The following PPP1R9A variants were observed in gnomAD, a reference collection of about 807,000 sequenced individuals.
PPP1R9A encodes protein phosphatase 1 regulatory subunit 9A, also known as neurabin-1.
PPP1R9A carries 59 observed loss-of-function variants against 141.9 expected under a neutral mutation model. The ratio of observed to expected loss-of-function variants is 0.42; its 90% CI spans 0.34 to 0.52. The LOEUF is 0.52. Ranked by LOEUF, PPP1R9A falls within the 20% of genes least tolerant of loss-of-function variation. The probability of loss-of-function intolerance (pLI) is 0.10; values close to 1 mark genes in which losing one functional copy is unlikely to be tolerated. For synonymous variants in PPP1R9A, 500 were observed against 569.7 expected (o/e 0.88, Z 1.74); for missense variants, 1,444 against 1,611.9 (o/e 0.90, Z 1.78).
chr7:95,184,971 C>T (rs1585134071), intron 5 of PPP1R9A, among the ~76,000 whole-genome samples: 1 of 149,982 alleles, frequency 6.7e-6, no homozygotes, highest in African/African-American at 2.4e-5. Flanking sequence ...TTTCTTTTGT[C>T]TGTGTAGCTA....
intron 7 of PPP1R9A, 97 bp from the exon 8 acceptor site, chr7:95,225,864 G>A: frequency 7.8e-7 from 1 of 1,288,040 alleles, no homozygotes; most frequent in Non-Finnish European, 1.1e-6. Flanking sequence ...TTACCATTTG[G>A]GTACATGTCT....
chr7:95,108,392 T>G (rs1158065672), intron 2 of PPP1R9A, among the ~76,000 whole-genome samples: 5 of 129,256 alleles, frequency 3.9e-5, no homozygotes, highest in Non-Finnish European at 6.4e-5. Context: ...CTCACTGCAA[T>G]CTCCGCCTCC....
intron 2 of PPP1R9A, among the ~76,000 whole-genome samples, chr7:94,996,890 C>T (rs945486217): frequency 4.7e-5 from 7 of 150,450 alleles, no homozygotes; most frequent in Admixed American, 2.7e-4. Context: ...GCAACCTCCA[C>T]CTCCCAGGTT....
chr7:95,239,521 T>A (rs1797154790), intron 8 of PPP1R9A, among the ~76,000 whole-genome samples: 1 of 152,060 alleles, frequency 6.6e-6, no homozygotes, highest in Non-Finnish European at 1.5e-5. Context: ...GATTGTGCCA[T>A]TGCACCCCAA....
chr7:95,040,527 G>A (rs1175959061), intron 2 of PPP1R9A, among the ~76,000 whole-genome samples: 1 of 151,822 alleles, frequency 6.6e-6, no homozygotes, highest in Non-Finnish European at 1.5e-5. Context: ...AATAATACAG[G>A]ATGTACTCCT....
intron 2 of PPP1R9A, among the ~76,000 whole-genome samples, chr7:95,102,134 T>G (rs1818874838): frequency 6.6e-6 from 1 of 152,166 alleles, no homozygotes; most frequent in African/African-American, 2.4e-5. Context: ...ATGATTTAGA[T>G]ATGAGAATGA....
intron 2 of PPP1R9A, 138 bp downstream of exon 2, chr7:94,911,646 G>A (rs1791461546): frequency 1.5e-6 from 1 of 652,676 alleles, no homozygotes; most frequent in East Asian, 2.7e-5. Flanking sequence ...ATCACCTGTT[G>A]TCAGGTGATT....
rs1791276403 is a variant in PPP1R9A, at chr7:94,909,988, C to T, written c.-126C>T. 9.4e-6 allele frequency: 7 copies of T among 746,376 alleles called. No individual in the cohort carries two copies. In the East Asian group the frequency reaches 1.9e-4, roughly 20 times the overall value. 46.2% of individuals were successfully genotyped at this position (746,376 alleles called of 1,614,324 possible). A position where few individuals can be genotyped will look rare whatever the true frequency, so the allele number is the denominator to read the frequency against. ...ATACACCTGTTGGGACGATCACTGA[C>T]ACCGTATACCATTTGAGAGGTACTT... On this transcript the variant is annotated 5_prime_UTR_variant, in exon 2 of 20. Coordinates refer to ENST00000433360, the MANE Select transcript of PPP1R9A (RefSeq NM_001166160.2).
At chr7:94,919,688 A>G (rs1792544577) in intron 2 of PPP1R9A, among the ~76,000 whole-genome samples, 1 of 152,152 alleles carries the variant, frequency 6.6e-6, no homozygotes, top group Non-Finnish European at 1.5e-5. Context: ...TCCTGTGCCT[A>G]CATGCTATTA....
At chr7:95,194,719 CAA>C (rs372060355) in intron 5 of PPP1R9A, among the ~76,000 whole-genome samples, 2,376 of 114,542 alleles carry the variant, frequency 0.021, 42 homozygotes, top group Admixed American at 0.052. Context: ...CTTACAATAC[CAA>C]AAAAAAAAAA....
intron 2 of PPP1R9A, among the ~76,000 whole-genome samples, chr7:94,978,195 AG>A (rs1799692124): frequency 1.3e-5 from 2 of 152,198 alleles, no homozygotes; most frequent in Non-Finnish European, 2.9e-5. Flanking sequence ...TAATTCTCCT[AG>A]GCCATAAAGT....
chr7:95,166,543 T>A (rs760879310), intron 5 of PPP1R9A, among the ~76,000 whole-genome samples: 5 of 152,088 alleles, frequency 3.3e-5, no homozygotes, highest in Non-Finnish European at 5.9e-5. Flanking sequence ...CAAAGAAAAG[T>A]CCAGGACTGG....
chr7:95,055,826 C>T (rs952060037), intron 2 of PPP1R9A, among the ~76,000 whole-genome samples: 2 of 152,004 alleles, frequency 1.3e-5, no homozygotes, highest in Admixed American at 1.3e-4. Flanking sequence ...CCTCAACATA[C>T]GTTAGGAATT....
At chr7:95,153,832 C>T (rs1376100245) in intron 4 of PPP1R9A, among the ~76,000 whole-genome samples, 1 of 152,070 alleles carries the variant, frequency 6.6e-6, no homozygotes, top group Non-Finnish European at 1.5e-5. Flanking sequence ...TTGATCTGTT[C>T]CAGTTTTTTA....
chr7:95,204,975 A>C (rs1790467610), intron 7 of PPP1R9A, among the ~76,000 whole-genome samples: 1 of 146,920 alleles, frequency 6.8e-6, no homozygotes, highest in South Asian at 2.2e-4. Context: ...ACACATACCC[A>C]CACACACCAC....
intron 2 of PPP1R9A, among the ~76,000 whole-genome samples, chr7:94,952,304 T>A (rs1584364343): frequency 6.6e-6 from 1 of 152,318 alleles, no homozygotes; most frequent in Admixed American, 6.5e-5. Context: ...TATGGCTGCA[T>A]AGTATTCCAT....
intron 8 of PPP1R9A, among the ~76,000 whole-genome samples, chr7:95,234,386 A>T (rs1219087245): frequency 1.3e-5 from 2 of 152,178 alleles, no homozygotes; most frequent in African/African-American, 4.8e-5. Flanking sequence ...ACCAACAGCG[A>T]CCAAGCTGAG....
intron 2 of PPP1R9A, among the ~76,000 whole-genome samples, chr7:94,968,809 C>T (rs200771505): frequency 6.6e-6 from 1 of 152,044 alleles, no homozygotes; most frequent in Admixed American, 6.6e-5. Context: ...TTTCACATAG[C>T]CCCATATTTC....
intron 5 of PPP1R9A, among the ~76,000 whole-genome samples, chr7:95,170,202 CA>C (rs1831897637): frequency 6.6e-6 from 1 of 151,432 alleles, no homozygotes; most frequent in African/African-American, 2.4e-5. Flanking sequence ...AAATAAAAGA[CA>C]GGAAAGGATG....
Sources: gnomAD v4.1 joint callset for allele counts (sites outside exome capture counted in the v4.1 genomes callset) on GRCh38, gnomAD v4.1.1 for gene constraint, MANE v1.5 for transcripts, NCBI Gene and HGNC (gene_info 2026-07-23, HGNC 2026-07-21) for gene names.